IFI27: variants seen among roughly 807,000 people sequenced by gnomAD.
IFI27 encodes the protein interferon alpha inducible protein 27.
IFI27 carries 3 observed loss-of-function variants against 8.9 expected under a neutral mutation model. The observed-to-expected ratio is 0.34, with a 90% CI of 0.15 to 0.87. The LOEUF (loss-of-function observed/expected upper bound fraction) is 0.87. Ranked by LOEUF, IFI27 falls within the 40% of genes least tolerant of loss-of-function variation. The pLI is 0.51. For synonymous variants in IFI27, 66 were observed against 67.3 expected (o/e 0.98, Z 0.09); for missense variants, 152 against 157.7 (o/e 0.96, Z 0.19).
Position 94,116,381 on chromosome 14 carries a change from C to A in IFI27, c.284-61C>A. ...CACTGGAGTCTCTGACCCCACAGTC[C>A]TGCCCACAGAGCTTCCCCGACAGGC... is the stretch of plus-strand genomic sequence containing the variant. On this transcript the variant is annotated intron_variant, in intron 4 of 4. Coordinates refer to ENST00000621160, the Ensembl canonical transcript of IFI27. This position sits in a 1 kb window ranked among gnomAD's most constrained non-coding sequence, Gnocchi z 4.3. 8.2e-7 allele frequency: 1 copy of A among 1,216,010 alleles called. No individual in the cohort carries two copies. Among genetic ancestry groups the A allele is most frequent in the South Asian group, 1.3e-5 (1 of 78,678 alleles). 75.3% of individuals were successfully genotyped at this position (1,216,010 alleles called of 1,614,324 possible). A position where few individuals can be genotyped will look rare whatever the true frequency, so the allele number is the denominator to read the frequency against.
At chr14:94,115,221 A>G in intron 3 of IFI27, 2 of 614,762 alleles carry the variant, frequency 3.3e-6, no homozygotes, top group South Asian at 3.0e-5. Flanking sequence ...GGTAATGCCC[A>G]TTCAGGGTTA....
upstream of IFI27, among the ~76,000 whole-genome samples, chr14:94,107,339 G>A (rs1402697245): frequency 1.3e-5 from 2 of 152,164 alleles, no homozygotes; most frequent in Non-Finnish European, 2.9e-5. Context: ...CCAAAGTAGT[G>A]GGATTACAGG....
chr14:94,115,857 A>C, exon 4 of IFI27: 1 of 1,603,532 alleles, frequency 6.2e-7, no homozygotes, highest in Non-Finnish European at 8.5e-7. Flanking sequence ...CGTCCTCCAT[A>C]GCAGCCAAGA....
At chr14:94,109,298 A>T (rs1887069016), upstream of IFI27, among the ~76,000 whole-genome samples, 2 of 149,742 alleles carry the variant, frequency 1.3e-5, no homozygotes, top group Non-Finnish European at 1.5e-5. Context: ...GCAAAACTCC[A>T]TAAAAAAAAA....
In IFI27 at chr14:94,111,238, A is replaced by G. The variant is rs2139288090; in HGVS notation, c.-58-387A>G. On this transcript the variant is annotated intron_variant, in intron 1 of 4. Transcript: ENST00000621160. The surrounding 1 kb of genome is among the most constrained non-coding windows in gnomAD (Gnocchi z 4.3). ...TTTCACGTTAGTGAGGAGATTACAT[A>G]AGAGCAGGCACCTCGCCTGCTGTAT... is the stretch of plus-strand genomic sequence containing the variant. 6.6e-6 allele frequency among the ~76,000 whole-genome samples: 1 copy of G among 152,292 alleles called. No individual in the cohort carries two copies. The highest frequency in any genetic ancestry group is 6.5e-5 in the Admixed American group (1 of 15,312).
Position 94,116,589 on chromosome 14 carries a change from C to A in IFI27, c.*62C>A, listed in dbSNP as rs2799. Reference sequence around the variant, plus strand: ...CCAGGGGAGAAGGCACCCAGCCATCCTGACCCAGCGAGGAGCCAACTATCC... The same window carrying A: ...CCAGGGGAGAAGGCACCCAGCCATCATGACCCAGCGAGGAGCCAACTATCC... On this transcript the variant is annotated 3_prime_UTR_variant, in exon 5 of 5. Transcript: ENST00000621160. This position sits in a 1 kb window ranked among gnomAD's most constrained non-coding sequence, Gnocchi z 4.3. The A allele has an allele frequency of 7.5e-7, 1 of 1,341,356 alleles. No individual in the cohort carries two copies. The highest frequency in any genetic ancestry group is 2.4e-5 in the East Asian group (1 of 42,140). The allele number at this position is 1,341,356 out of a possible 1,614,324, so 83.1% of individuals were successfully genotyped here.
chr14:94,115,500 A>G (rs998016962), intron 3 of IFI27: 2 of 607,948 alleles, frequency 3.3e-6, no homozygotes, highest in Non-Finnish European at 5.9e-6. Context: ...CAAGGCAGAC[A>G]CTGAGGCTCT....
In IFI27 at chr14:94,115,878, G is replaced by A. The variant is rs764477985; in HGVS notation, c.219G>A (p.Ala73=). The change falls in exon 4 of 5, where the codon GCG becomes GCA. Residue 73 remains alanine, a synonymous_variant. Transcript: ENST00000621160. Reference sequence around the variant, plus strand: ...CCATAGCAGCCAAGATGATGTCCGCGGCGGCCATTGCCAATGGGGGTGGAG... The same window carrying A: ...CCATAGCAGCCAAGATGATGTCCGCAGCGGCCATTGCCAATGGGGGTGGAG... 17 of 1,599,548 alleles carry A rather than the reference G, an allele frequency of 1.1e-5. No individual in the cohort carries two copies. The East Asian group carries it at 1.1e-4, about 11-fold the overall frequency.
upstream of IFI27, among the ~76,000 whole-genome samples, chr14:94,109,964 T>G (rs1887108240): frequency 6.6e-6 from 1 of 152,216 alleles, no homozygotes; most frequent in African/African-American, 2.4e-5. Context: ...TGCAATGGCT[T>G]CAGGACACAA....
chr14:94,115,981 G>C, intron 4 of IFI27, 39 bp downstream of exon 4: 1 of 1,546,302 alleles, frequency 6.5e-7, no homozygotes, highest in African/African-American at 1.4e-5. Flanking sequence ...AGGGCGATGA[G>C]GAGGGCAAGA....
At chr14:94,107,602 C>T (rs1333666996), upstream of IFI27, among the ~76,000 whole-genome samples, 1 of 152,138 alleles carries the variant, frequency 6.6e-6, no homozygotes, top group Non-Finnish European at 1.5e-5. Flanking sequence ...TAGGTATCTC[C>T]ATAGAAAATA....
chr14:94,106,878 C>T (rs1174730240), upstream of IFI27, among the ~76,000 whole-genome samples: 2 of 150,026 alleles, frequency 1.3e-5, no homozygotes, highest in Non-Finnish European at 2.9e-5. Flanking sequence ...TGAGAGCTAA[C>T]TCATTACTGT....
chr14:94,107,224 C>T (rs1178381129), upstream of IFI27, among the ~76,000 whole-genome samples: 1 of 152,138 alleles, frequency 6.6e-6, no homozygotes, highest in Non-Finnish European at 1.5e-5. Context: ...CACACACCAC[C>T]ACGCCTTGCT....
At chr14:94,115,560 G>A (rs1887356889) in intron 3 of IFI27, 16 of 611,566 alleles carry the variant, frequency 2.6e-5, no homozygotes, top group Middle Eastern at 8.7e-4. Flanking sequence ...GAAGAGCTTG[G>A]CCCAGAGCCC....
chr14:94,109,929 C>T (rs1406506210), upstream of IFI27, among the ~76,000 whole-genome samples: 1 of 152,182 alleles, frequency 6.6e-6, no homozygotes, highest in African/African-American at 2.4e-5. Flanking sequence ...TCCCTTTCCC[C>T]AAAAAGGTAT....
upstream of IFI27, among the ~76,000 whole-genome samples, chr14:94,107,594 G>C (rs1887032577): frequency 6.6e-6 from 1 of 152,034 alleles, no homozygotes; most frequent in Non-Finnish European, 1.5e-5. Flanking sequence ...GAGATATATA[G>C]GTATCTCCAT....
chr14:94,114,963 A>G, intron 3 of IFI27, 83 bp downstream of exon 3: 1 of 1,288,852 alleles, frequency 7.8e-7, no homozygotes, highest in Non-Finnish European at 1.1e-6. Flanking sequence ...GTCCATGCCA[A>G]TGTTTCCCTC....
At chr14:94,110,467 T>A (rs1450458345), upstream of IFI27, among the ~76,000 whole-genome samples, 1 of 152,192 alleles carries the variant, frequency 6.6e-6, no homozygotes, top group Non-Finnish European at 1.5e-5. Context: ...TGATCTTACT[T>A]CTTGTGACTT....
At chr14:94,105,899 T>C (rs1044625812), upstream of IFI27, 5 of 152,230 alleles carry the variant, frequency 3.3e-5, no homozygotes, top group Admixed American at 2.6e-4. Context: ...CTATTGTGCA[T>C]AGTGCTGCTA....
Sources: gnomAD v4.1 joint callset for allele counts (sites outside exome capture counted in the v4.1 genomes callset) on GRCh38, gnomAD v4.1.1 for gene constraint, Gnocchi (gnomAD v3.1) non-coding constraint, MANE v1.5 for transcripts, NCBI Gene and HGNC (gene_info 2026-07-23, HGNC 2026-07-21) for gene names.